The following CUL5 variants were observed in gnomAD, a reference collection of about 807,000 sequenced individuals.
CUL5 encodes cullin 5, also known as cullin-5.
CUL5 carries 26 observed loss-of-function variants against 108.8 expected under a neutral mutation model. That is an observed-to-expected ratio of 0.24 (90% CI 0.18 to 0.33). The LOEUF is 0.33. CUL5 is among the 10% of genes least tolerant of loss of function. The pLI is 1.00. For missense variants in CUL5, 524 were observed against 909.2 expected, an observed-to-expected ratio of 0.58 and a Z score of 5.45; for synonymous variants, 334 against 298.0, an observed-to-expected ratio of 1.12 and a Z score of -1.25.
rs531541743 is a variant in CUL5, at chr11:108,055,529, G to C, written c.780+574G>C. Among the ~76,000 whole-genome samples, 114 of 152,102 alleles carry C rather than the reference G, an allele frequency of 7.5e-4. 1 individual carries two copies. Among genetic ancestry groups the C allele is most frequent in the African/African-American group, 2.7e-3 (111 of 41,494 alleles). On this transcript the variant is annotated intron_variant, in intron 7 of 18. Coordinates refer to ENST00000393094, the MANE Select transcript of CUL5 (RefSeq NM_003478.6). ...TGCAGTGGTGCAATTATACCTCACT[G>C]TAACTCCTGGGCATAAGGGCCCCTC...
chr11:108,014,695 G>T (rs1862137123), intron 1 of CUL5, among the ~76,000 whole-genome samples: 1 of 152,158 alleles, frequency 6.6e-6, no homozygotes. Flanking sequence ...CATTGAACGA[G>T]AATTTAGTAT....
At chr11:108,100,064 A>G (rs950715756) in intron 18 of CUL5, among the ~76,000 whole-genome samples, 4 of 151,362 alleles carry the variant, frequency 2.6e-5, no homozygotes, top group African/African-American at 9.7e-5. Flanking sequence ...AAAATTTCAC[A>G]TGAAAATTCA....
chr11:108,088,119 G>C (rs544135207), intron 11 of CUL5, among the ~76,000 whole-genome samples: 15 of 151,824 alleles, frequency 9.9e-5, no homozygotes, highest in Non-Finnish European at 2.2e-4. Flanking sequence ...ACATTTTAAA[G>C]AGTGAAATAA....
intron 2 of CUL5, among the ~76,000 whole-genome samples, chr11:108,035,994 A>G (rs2135093544): frequency 6.6e-6 from 1 of 152,322 alleles, no homozygotes; most frequent in Non-Finnish European, 1.5e-5. Flanking sequence ...CCGAGTGATC[A>G]GCGAGACTGT....
chr11:108,034,810 G>A (rs1283496417), intron 2 of CUL5, among the ~76,000 whole-genome samples: 2 of 152,068 alleles, frequency 1.3e-5, no homozygotes, highest in African/African-American at 4.8e-5. Flanking sequence ...ACCTGCATGA[G>A]GGACAAAAGT....
At chr11:108,097,591 C>A in intron 16 of CUL5, 45 bp from the exon 17 acceptor site, 1 of 1,083,280 alleles carries the variant, frequency 9.2e-7, no homozygotes, top group Non-Finnish European at 1.4e-6. Context: ...CTTAGTATTC[C>A]ATACTGTTTA....
At chr11:108,034,120 G>C (rs1325746691) in intron 2 of CUL5, among the ~76,000 whole-genome samples, 2 of 152,150 alleles carry the variant, frequency 1.3e-5, no homozygotes, top group African/African-American at 4.8e-5. Flanking sequence ...TCACAGCTTT[G>C]AGTCATTACA....
intron 2 of CUL5, among the ~76,000 whole-genome samples, chr11:108,035,222 G>A (rs1288411689): frequency 6.6e-6 from 1 of 152,182 alleles, no homozygotes; most frequent in African/African-American, 2.4e-5. Flanking sequence ...TTTGTGATGT[G>A]CCCCCTCCCA....
At chr11:108,020,343 C>G (rs1454664809) in intron 1 of CUL5, among the ~76,000 whole-genome samples, 2 of 152,122 alleles carry the variant, frequency 1.3e-5, no homozygotes, top group South Asian at 2.1e-4. Flanking sequence ...GAAGACTTTC[C>G]AGTGGGACAA....
chr11:108,063,219 T>C (rs1863587377), intron 7 of CUL5, among the ~76,000 whole-genome samples: 1 of 152,184 alleles, frequency 6.6e-6, no homozygotes. Flanking sequence ...ACCCAGCATC[T>C]GGCAACTATC....
intron 7 of CUL5, among the ~76,000 whole-genome samples, chr11:108,064,608 G>A (rs1863628838): frequency 1.3e-5 from 2 of 152,166 alleles, no homozygotes; most frequent in South Asian, 4.1e-4. Flanking sequence ...TACTCGGGAG[G>A]CTAAGGCAGG....
chr11:108,085,938 G>C (rs1166521687), intron 11 of CUL5, among the ~76,000 whole-genome samples: 1 of 152,150 alleles, frequency 6.6e-6, no homozygotes, highest in Non-Finnish European at 1.5e-5. Context: ...TTTTAAGTGA[G>C]TGAATTGTAT....
intron 7 of CUL5, among the ~76,000 whole-genome samples, chr11:108,059,558 C>A (rs1432614141): frequency 6.6e-6 from 1 of 152,018 alleles, no homozygotes; most frequent in Non-Finnish European, 1.5e-5. Flanking sequence ...AGTTATTCAA[C>A]CTTTGTAGTC....
chr11:108,059,605 G>A (rs1282922076), intron 7 of CUL5, among the ~76,000 whole-genome samples: 4 of 152,130 alleles, frequency 2.6e-5, no homozygotes, highest in African/African-American at 4.8e-5. Context: ...TAGGCCGGGC[G>A]CGGTGGCTCA....
intron 7 of CUL5, among the ~76,000 whole-genome samples, chr11:108,059,282 A>G (rs1863475610): frequency 6.6e-6 from 1 of 152,200 alleles, no homozygotes; most frequent in African/African-American, 2.4e-5. Context: ...TTTATTATAT[A>G]CCCACAGTGT....
chr11:108,080,575 T>C (rs952266147), intron 11 of CUL5, among the ~76,000 whole-genome samples: 2 of 152,150 alleles, frequency 1.3e-5, no homozygotes, highest in African/African-American at 4.8e-5. Flanking sequence ...TTTGTATTTT[T>C]AGTAGAGATG....
chr11:108,060,644 T>G (rs1379226783), intron 7 of CUL5, among the ~76,000 whole-genome samples: 1 of 152,132 alleles, frequency 6.6e-6, no homozygotes. Context: ...AAGACCAGCC[T>G]GGCTAACATG....
At chr11:108,026,373 T>C (rs1183142077) in intron 1 of CUL5, among the ~76,000 whole-genome samples, 1 of 152,212 alleles carries the variant, frequency 6.6e-6, no homozygotes, top group Non-Finnish European at 1.5e-5. Flanking sequence ...TTCACATCTT[T>C]TCTGTCAACA....
At chr11:108,016,797 C>CAA (rs59142867) in intron 1 of CUL5, among the ~76,000 whole-genome samples, 33 of 149,690 alleles carry the variant, frequency 2.2e-4, no homozygotes, top group African/African-American at 7.6e-4. Context: ...CAAAAACAAA[C>CAA]AAAAAAAAAC....
Sources: gnomAD v4.1 joint callset for allele counts (sites outside exome capture counted in the v4.1 genomes callset) on GRCh38, gnomAD v4.1.1 for gene constraint, MANE v1.5 for transcripts, NCBI Gene and HGNC (gene_info 2026-07-23, HGNC 2026-07-21) for gene names.